The following DYTN variants were observed in gnomAD, a reference collection of about 807,000 sequenced individuals.
DYTN encodes dystrotelin.
In DYTN, 75 loss-of-function variants were observed where a neutral mutation model predicts 69.6. The ratio of observed to expected loss-of-function variants is 1.08; its 90% CI spans 0.89 to 1.31. The LOEUF (loss-of-function observed/expected upper bound fraction) is 1.31, where lower values mean the gene tolerates loss of function less well. DYTN is among the 50% of genes most tolerant of loss of function. The probability of loss-of-function intolerance (pLI) is 0.00; values close to 1 mark genes in which losing one functional copy is unlikely to be tolerated. For synonymous variants in DYTN, 252 were observed against 249.1 expected (o/e 1.01, Z -0.11); for missense variants, 726 against 688.4 (o/e 1.05, Z -0.61).
At chr2:206,673,472 G>A (rs929756286) in intron 9 of DYTN, among the ~76,000 whole-genome samples, 2 of 152,124 alleles carry the variant, frequency 1.3e-5, no homozygotes, top group Non-Finnish European at 2.9e-5. Flanking sequence ...TGGCCAGGCT[G>A]GTCTCGAACT....
At chr2:206,704,284 T>C (rs769958733) in intron 5 of DYTN, among the ~76,000 whole-genome samples, 1 of 152,116 alleles carries the variant, frequency 6.6e-6, no homozygotes, top group African/African-American at 2.4e-5. Context: ...GACAAATGAT[T>C]GAGAGATATT....
intron 11 of DYTN, among the ~76,000 whole-genome samples, chr2:206,656,616 A>G (rs34919586): frequency 0.097 from 14,792 of 151,872 alleles, 888 homozygotes; most frequent in Non-Finnish European, 0.14. Context: ...TCTTTTGTGC[A>G]TCTTTGACAG....
chr2:206,652,893 T>C (rs1699404197), intron 11 of DYTN, among the ~76,000 whole-genome samples: 1 of 152,232 alleles, frequency 6.6e-6, no homozygotes, highest in Non-Finnish European at 1.5e-5. Context: ...CTGTGCACTT[T>C]GCATTTTAAT....
chr2:206,676,614 C>T lies in DYTN; in HGVS notation c.981-10585G>A, dbSNP rs76836963. ...AATAATTGTGTTATAATAGCTAATA[C>T]GTAAAAATATAAAAATGAAAAGGGG... On this transcript the variant is annotated intron_variant, in intron 9 of 11. Transcript: ENST00000452335. Among the ~76,000 whole-genome samples, 493 of 151,908 alleles carry T rather than the reference C, an allele frequency of 3.2e-3. 1 individual carries two copies. The highest frequency in any genetic ancestry group is 6.2e-3 in the Admixed American group (95 of 15,264).
Position 206,694,878 on chromosome 2 carries a change from C to G in DYTN, c.720-1G>C. On this transcript the variant is annotated splice_acceptor_variant, in intron 7 of 11. Transcript: ENST00000452335. LOFTEE classifies it high-confidence loss of function. ...GTTGAGACACTTCAGACAGCGGTAT[C>G]TGCCAGTTAAAATAGAAGCACAGCT... 6.4e-7 allele frequency: 1 copy of G among 1,570,890 alleles called. No individual in the cohort carries two copies. Among genetic ancestry groups the G allele is most frequent in the Admixed American group, 1.9e-5 (1 of 52,498 alleles).
intron 9 of DYTN, among the ~76,000 whole-genome samples, chr2:206,675,843 T>G (rs1699680881): frequency 6.6e-6 from 1 of 152,122 alleles, no homozygotes; most frequent in African/African-American, 2.4e-5. Context: ...TCATCATCAC[T>G]GGTCGTTAGA....
At chr2:206,686,898 A>C (rs976478024) in intron 9 of DYTN, 5 of 152,866 alleles carry the variant, frequency 3.3e-5, no homozygotes, top group African/African-American at 1.2e-4. Flanking sequence ...GTAAGGTTGC[A>C]GGTATAATCT....
At chr2:206,657,887 G>C (rs139072348) in intron 11 of DYTN, among the ~76,000 whole-genome samples, 1 of 152,198 alleles carries the variant, frequency 6.6e-6, no homozygotes, top group African/African-American at 2.4e-5. Context: ...TCTTGGATCT[G>C]GACGTCCATT....
rs200794203 is a variant in DYTN, at chr2:206,693,237, C to T, written c.918G>A (p.Ala306=). ...CCTGGTCCAGCAGCTGCTGCCTTCTCGCTGCTTCTTTCTTCCTACAGCGCC... is the reference window on the plus strand; with the variant it reads ...CCTGGTCCAGCAGCTGCTGCCTTCTTGCTGCTTCTTTCTTCCTACAGCGCC... ...LQGRCRKKEA[A]RRQQLLDQVN... is the part of the protein sequence containing the mutation. Residue 306 remains alanine (A), a synonymous_variant, in exon 9 of 12, where the codon GCG becomes GCA. Transcript: ENST00000452335. 1.4e-4 allele frequency: 221 copies of T among 1,613,570 alleles called. No individual in the cohort carries two copies. The highest frequency in any genetic ancestry group is 2.0e-4 in the Admixed American group (12 of 60,016).
intron 1 of DYTN, among the ~76,000 whole-genome samples, chr2:206,716,452 G>A (rs1189440385): frequency 2.0e-5 from 3 of 152,104 alleles, no homozygotes; most frequent in Non-Finnish European, 2.9e-5. Flanking sequence ...AAACATTGTC[G>A]CCCAAACAAG....
intron 9 of DYTN, among the ~76,000 whole-genome samples, chr2:206,674,983 A>G (rs769800206): frequency 5.3e-5 from 8 of 151,770 alleles, no homozygotes; most frequent in Non-Finnish European, 1.0e-4. Context: ...ATCTACTCTC[A>G]TTAAAAATAG....
At chr2:206,669,482 A>G (rs1461190920) in intron 9 of DYTN, among the ~76,000 whole-genome samples, 1 of 152,184 alleles carries the variant, frequency 6.6e-6, no homozygotes, top group Non-Finnish European at 1.5e-5. Context: ...TTCATGTTTT[A>G]TTTCATTCAA....
intron 9 of DYTN, among the ~76,000 whole-genome samples, chr2:206,672,184 T>C (rs150077121): frequency 7.1e-4 from 108 of 152,360 alleles, no homozygotes; most frequent in African/African-American, 2.6e-3. Context: ...ATTTATAATA[T>C]TTTAACTTCT....
intron 11 of DYTN, among the ~76,000 whole-genome samples, chr2:206,656,244 T>C (rs1219683230): frequency 6.6e-6 from 1 of 152,310 alleles, no homozygotes; most frequent in East Asian, 1.9e-4. Flanking sequence ...GACTTCTTTG[T>C]CACTTGTGTG....
At chr2:206,697,872 C>T (rs553829596) in intron 7 of DYTN, among the ~76,000 whole-genome samples, 5 of 152,052 alleles carry the variant, frequency 3.3e-5, no homozygotes, top group Admixed American at 1.3e-4. Context: ...TTTTTAGGGG[C>T]GACTTAAGTA....
At chr2:206,662,367 T>C (rs1699521461) in intron 11 of DYTN, among the ~76,000 whole-genome samples, 1 of 152,114 alleles carries the variant, frequency 6.6e-6, no homozygotes, top group South Asian at 2.1e-4. Context: ...CAAAATACCC[T>C]AATGAGAAAT....
At chr2:206,693,668 T>C (rs1403276980) in intron 8 of DYTN, among the ~76,000 whole-genome samples, 1 of 152,210 alleles carries the variant, frequency 6.6e-6, no homozygotes. Flanking sequence ...TGATAACTCA[T>C]GGATTTATTT....
intron 7 of DYTN, among the ~76,000 whole-genome samples, chr2:206,698,555 C>A (rs952576416): frequency 6.6e-6 from 1 of 152,190 alleles, no homozygotes; most frequent in African/African-American, 2.4e-5. Flanking sequence ...ACATCCCCAG[C>A]CCCTGTTCAC....
chr2:206,682,363 G>T (rs954847818), intron 9 of DYTN, among the ~76,000 whole-genome samples: 2 of 151,900 alleles, frequency 1.3e-5, no homozygotes, highest in East Asian at 1.9e-4. Flanking sequence ...AAGGGTAAAA[G>T]GTCAATTGTT....
Sources: gnomAD v4.1 joint callset for allele counts (sites outside exome capture counted in the v4.1 genomes callset) on GRCh38, gnomAD v4.1.1 for gene constraint, MANE v1.5 for transcripts, NCBI Gene and HGNC (gene_info 2026-07-23, HGNC 2026-07-21) for gene names.